Variants in FRMD4B observed in about 807,000 individuals in gnomAD.
The protein encoded by FRMD4B is FERM domain containing 4B.
In FRMD4B, 74 loss-of-function variants were observed where a neutral mutation model predicts 141.5. That is an observed-to-expected ratio of 0.52 (90% CI 0.43 to 0.63). The LOEUF is 0.63. Among genes scored for constraint, FRMD4B ranks in the 30% least tolerant of loss-of-function variants. The pLI, the probability that FRMD4B is intolerant of heterozygous loss-of-function variation, is 0.00. For synonymous variants in FRMD4B, 506 were observed against 467.9 expected (o/e 1.08, Z -1.05); for missense variants, 1,366 against 1,253.4 (o/e 1.09, Z -1.36).
chr3:69,525,274 A>ACTAC lies in FRMD4B; in HGVS notation c.-129+16931_-129+16932insGTAG, dbSNP rs1399987673. 8.5e-3 allele frequency among the ~76,000 whole-genome samples: 1,291 copies of ACTAC among 152,300 alleles called. 21 individuals carry two copies. Among genetic ancestry groups the ACTAC allele is most frequent in the African/African-American group, 0.029 (1,189 of 41,560 alleles). On this transcript the variant is annotated intron_variant, in intron 1 of 5. Transcript: ENST00000459638. ...CTTTTTTCAGACTCCCCTTTCTCAG[A>ACTAC]GCACACAGGATGGGTAGATGTTGGG...
intron 1 of FRMD4B, among the ~76,000 whole-genome samples, chr3:69,330,918 T>C (rs1702349050): frequency 1.3e-5 from 2 of 152,202 alleles, no homozygotes; most frequent in South Asian, 4.1e-4. Context: ...TTTCCAACTT[T>C]TTCATTCACA....
At chr3:69,326,753 A>T (rs2107311769) in intron 1 of FRMD4B, among the ~76,000 whole-genome samples, 1 of 152,378 alleles carries the variant, frequency 6.6e-6, no homozygotes, top group South Asian at 2.1e-4. Context: ...AAGAAACTTC[A>T]GTGAAAAGCA....
At chr3:69,197,411 T>G (rs2092919223) in intron 12 of FRMD4B, among the ~76,000 whole-genome samples, 1 of 152,110 alleles carries the variant, frequency 6.6e-6, no homozygotes, top group African/African-American at 2.4e-5. Context: ...AAGTGTGGGG[T>G]GAGCACCTAA....
rs1383615336 is a variant in FRMD4B, at chr3:69,265,270, ATATATATATATATATATATATATATAT to A, written c.502-15198_502-15172del. 4.0e-3 allele frequency among the ~76,000 whole-genome samples: 80 copies of A among 20,234 alleles called. 5 individuals are homozygous for A. The highest frequency in any genetic ancestry group is 0.015 in the African/African-American group (77 of 5,184). 13.3% of individuals were successfully genotyped at this position (20,234 alleles called of 152,430 possible). On this transcript the variant is annotated intron_variant, in intron 5 of 22. Coordinates refer to ENST00000398540, the MANE Select transcript of FRMD4B (RefSeq NM_015123.3). ...ACTCCATCTCAAAAAAAAAAAAAAAATATATATATATATATATATATATATATATATATATATATATATATGCAGATA... is the reference window on the plus strand; with the variant it reads ...ACTCCATCTCAAAAAAAAAAAAAAAAATATATATATATATATATGCAGATA...
At chr3:69,515,153 G>A (rs958734755) in intron 1 of FRMD4B, among the ~76,000 whole-genome samples, 1 of 152,106 alleles carries the variant, frequency 6.6e-6, no homozygotes, top group East Asian at 1.9e-4. Flanking sequence ...AGAGAGAGTT[G>A]GGTGGGGTAG....
chr3:69,303,891 T>C (rs1456977402), intron 3 of FRMD4B, among the ~76,000 whole-genome samples: 1 of 152,072 alleles, frequency 6.6e-6, no homozygotes, highest in Non-Finnish European at 1.5e-5. Context: ...GCCGTGATCA[T>C]GCCACTGCAT....
In FRMD4B at chr3:69,420,290, C is replaced by CAAAAAAAAA. The variant is rs56707719; in HGVS notation, c.-1+12335_-1+12343dup. Among the ~76,000 whole-genome samples, 32 of 131,922 alleles carry CAAAAAAAAA rather than the reference C, an allele frequency of 2.4e-4. 3 individuals carry two copies. The highest frequency in any genetic ancestry group is 3.5e-4 in the Non-Finnish European group (22 of 62,318). 86.5% of individuals were successfully genotyped at this position (131,922 alleles called of 152,430 possible). A position where few individuals can be genotyped will look rare whatever the true frequency, so the allele number is the denominator to read the frequency against. ...GTGTAACTTGTATGAAAAGGGATAT[C>CAAAAAAAAA]AAAAAAAAAAAAAAACAACCAAAAC... On this transcript the variant is annotated intron_variant, in intron 2 of 5. Transcript: ENST00000459638.
chr3:69,172,019 A>G (rs748073237), intron 22 of FRMD4B, 38 bp from the exon 23 acceptor site: 27 of 1,607,110 alleles, frequency 1.7e-5, no homozygotes, highest in African/African-American at 9.4e-5. Context: ...ACTTGTGGCC[A>G]TATTTTTGTC....
At chr3:69,187,548 A>ATAT (rs1353697366) in intron 19 of FRMD4B, among the ~76,000 whole-genome samples, 9 of 142,242 alleles carry the variant, frequency 6.3e-5, no homozygotes, top group Non-Finnish European at 9.2e-5. Flanking sequence ...CTCAAAAAAA[A>ATAT]AAAAATATAT....
At chr3:69,392,837 G>A (rs1314139646) in intron 2 of FRMD4B, among the ~76,000 whole-genome samples, 1 of 152,074 alleles carries the variant, frequency 6.6e-6, no homozygotes, top group Admixed American at 6.5e-5. Flanking sequence ...CAGGAGGCCC[G>A]AGCGACACAA....
At chr3:69,302,498 G>C (rs1321639413) in intron 3 of FRMD4B, 63 bp from the exon 4 acceptor site, 4 of 982,612 alleles carry the variant, frequency 4.1e-6, no homozygotes, top group African/African-American at 1.6e-5. Context: ...ACAACGTACA[G>C]TGTTGGCAAA....
chr3:69,471,176 A>G (rs1228492185), intron 1 of FRMD4B, among the ~76,000 whole-genome samples: 1 of 152,156 alleles, frequency 6.6e-6, no homozygotes, highest in East Asian at 1.9e-4. Flanking sequence ...AGTTTTTTTC[A>G]AAGTTTAATT....
At chr3:69,317,914 C>T (rs952789463) in intron 1 of FRMD4B, among the ~76,000 whole-genome samples, 1 of 151,954 alleles carries the variant, frequency 6.6e-6, no homozygotes, top group Admixed American at 6.6e-5. Context: ...CATGAAACAC[C>T]CTGTATTCCT....
At chr3:69,178,162 G>A (rs1046012597) in intron 21 of FRMD4B, among the ~76,000 whole-genome samples, 2 of 152,164 alleles carry the variant, frequency 1.3e-5, no homozygotes, top group African/African-American at 4.8e-5. Context: ...TCAAAAACCA[G>A]CACTGCCCTT....
At chr3:69,462,564 G>A (rs1331374818) in intron 1 of FRMD4B, among the ~76,000 whole-genome samples, 1 of 152,212 alleles carries the variant, frequency 6.6e-6, no homozygotes, top group Non-Finnish European at 1.5e-5. Context: ...TACATAATTG[G>A]TGAGTGGTGG....
chr3:69,460,580 G>C (rs1401831118), intron 1 of FRMD4B, among the ~76,000 whole-genome samples: 1 of 152,188 alleles, frequency 6.6e-6, no homozygotes, highest in Non-Finnish European at 1.5e-5. Context: ...TTTTTGGCTA[G>C]CGGGAGGCAA....
At chr3:69,427,417 A>G (rs920107864) in intron 2 of FRMD4B, among the ~76,000 whole-genome samples, 8 of 150,308 alleles carry the variant, frequency 5.3e-5, no homozygotes, top group African/African-American at 1.9e-4. Flanking sequence ...GCATTTTCTA[A>G]ATCTGTTTGA....
At chr3:69,490,578 A>C (rs930080381) in intron 1 of FRMD4B, among the ~76,000 whole-genome samples, 11 of 152,178 alleles carry the variant, frequency 7.2e-5, no homozygotes, top group Admixed American at 2.0e-4. Context: ...GAGAGGTCTT[A>C]GACTTCCATA....
intron 1 of FRMD4B, among the ~76,000 whole-genome samples, chr3:69,370,800 T>C (rs956605490): frequency 2.0e-5 from 3 of 152,228 alleles, no homozygotes; most frequent in Non-Finnish European, 4.4e-5. Context: ...CAGCTGGAGA[T>C]CTGAAATGGC....
Sources: gnomAD v4.1 joint callset for allele counts (sites outside exome capture counted in the v4.1 genomes callset) on GRCh38, gnomAD v4.1.1 for gene constraint, MANE v1.5 for transcripts, NCBI Gene and HGNC (gene_info 2026-07-23, HGNC 2026-07-21) for gene names.